CACNA1E: variants seen among roughly 807,000 people sequenced by gnomAD.
CACNA1E encodes calcium voltage-gated channel subunit alpha1 E.
In CACNA1E, 40 loss-of-function variants were observed where a neutral mutation model predicts 259.2. The observed-to-expected ratio is 0.15, with a 90% confidence interval of 0.12 to 0.20. The LOEUF (loss-of-function observed/expected upper bound fraction) is 0.20. Ranked by LOEUF, CACNA1E falls within the 10% of genes least tolerant of loss-of-function variation. The probability of loss-of-function intolerance (pLI) is 1.00; values close to 1 mark genes in which losing one functional copy is unlikely to be tolerated. For synonymous variants in CACNA1E, 1,104 were observed against 1,138.5 expected, an observed-to-expected ratio of 0.97 and a Z score of 0.61; for missense variants, 1,874 against 3,040.1, an observed-to-expected ratio of 0.62 and a Z score of 9.02.
intron 2 of CACNA1E, among the ~76,000 whole-genome samples, chr1:181,464,651 C>T (rs2102388648): frequency 6.7e-6 from 1 of 148,294 alleles, no homozygotes; most frequent in African/African-American, 2.5e-5. Context: ...CAGGCAGCAT[C>T]ACCTGTGAAT....
chr1:181,383,433 C>T (rs764430317), intron 1 of CACNA1E, among the ~76,000 whole-genome samples: 23 of 152,122 alleles, frequency 1.5e-4, no homozygotes, highest in South Asian at 2.1e-4. Context: ...ATGAGGCAAG[C>T]GGGGGCAGAA....
At chr1:181,613,410 G>A (rs1456838769) in intron 6 of CACNA1E, among the ~76,000 whole-genome samples, 5 of 152,084 alleles carry the variant, frequency 3.3e-5, no homozygotes, top group Non-Finnish European at 5.9e-5. Flanking sequence ...TAATATATGT[G>A]TTATATACTG....
At chr1:181,339,141 C>G (rs866642220) in intron 1 of CACNA1E, among the ~76,000 whole-genome samples, 8 of 151,990 alleles carry the variant, frequency 5.3e-5, no homozygotes, top group Admixed American at 1.3e-4. Flanking sequence ...TTTGGCTATT[C>G]AGGATCTTAT....
chr1:181,595,637 A>G (rs1445508573), intron 6 of CACNA1E, among the ~76,000 whole-genome samples: 2 of 152,008 alleles, frequency 1.3e-5, no homozygotes, highest in African/African-American at 4.8e-5. Flanking sequence ...GGATCATGCC[A>G]CCTGCCCAAG....
intron 2 of CACNA1E, among the ~76,000 whole-genome samples, chr1:181,438,460 A>G (rs904548816): frequency 6.6e-6 from 1 of 152,232 alleles, no homozygotes. Context: ...CTTTCAGGGC[A>G]GTAGGTTTGT....
At chr1:181,575,190 A>G (rs12039120) in intron 3 of CACNA1E, among the ~76,000 whole-genome samples, 35,698 of 152,034 alleles carry the variant, frequency 0.23, 4,825 homozygotes, top group Admixed American at 0.32. Flanking sequence ...CCTGCACTGG[A>G]GGACAGAAAA....
chr1:181,745,524 G>A (rs1656996563), intron 25 of CACNA1E, among the ~76,000 whole-genome samples: 1 of 151,976 alleles, frequency 6.6e-6, no homozygotes, highest in Admixed American at 6.6e-5. Flanking sequence ...CATGGGAAGA[G>A]CCCAGTACTG....
At chr1:181,370,459 T>G (rs1654606222) in intron 1 of CACNA1E, among the ~76,000 whole-genome samples, 1 of 152,136 alleles carries the variant, frequency 6.6e-6, no homozygotes, top group Admixed American at 6.5e-5. Context: ...GGCCCTGGTA[T>G]TTGTTGTTCC....
At chr1:181,783,553 G>C in intron 39 of CACNA1E, 126 bp from the exon 40 acceptor site, 1 of 592,858 alleles carries the variant, frequency 1.7e-6, no homozygotes, top group Admixed American at 2.8e-5. Flanking sequence ...TGGGGCAGGG[G>C]ATGGGGATCC....
intron 1 of CACNA1E, among the ~76,000 whole-genome samples, chr1:181,372,828 A>ATATTT (rs1491221060): frequency 0.036 from 3,636 of 101,536 alleles, 45 homozygotes; most frequent in Non-Finnish European, 0.059. Context: ...ATATATATAT[A>ATATTT]TTTTTTTTTT....
chr1:181,416,647 C>T (rs1371001518), intron 2 of CACNA1E, among the ~76,000 whole-genome samples: 2 of 152,162 alleles, frequency 1.3e-5, no homozygotes, highest in Non-Finnish European at 2.9e-5. Context: ...GCAGCTGCCT[C>T]ATGTGACAGC....
intron 6 of CACNA1E, among the ~76,000 whole-genome samples, chr1:181,595,910 G>C (rs1412731166): frequency 6.6e-6 from 1 of 152,214 alleles, no homozygotes; most frequent in Non-Finnish European, 1.5e-5. Flanking sequence ...CCAGTGTTTA[G>C]TCTGTGTGTG....
intron 1 of CACNA1E, among the ~76,000 whole-genome samples, chr1:181,495,504 T>G (rs575027193): frequency 2.5e-4 from 38 of 152,370 alleles, no homozygotes; most frequent in Non-Finnish European, 4.0e-4. Context: ...TAGTAAGCTG[T>G]GAATAAATCT....
At chr1:181,661,245 A>C (rs1003472658) in intron 7 of CACNA1E, among the ~76,000 whole-genome samples, 1 of 152,164 alleles carries the variant, frequency 6.6e-6, no homozygotes, top group Non-Finnish European at 1.5e-5. Context: ...CTAGATTTGC[A>C]TTTGAAGATG....
intron 1 of CACNA1E, among the ~76,000 whole-genome samples, chr1:181,500,214 C>G (rs1039450716): frequency 6.6e-6 from 1 of 152,166 alleles, no homozygotes; most frequent in Non-Finnish European, 1.5e-5. Context: ...TGGTTCACCC[C>G]TTATGCATAT....
intron 1 of CACNA1E, among the ~76,000 whole-genome samples, chr1:181,390,094 T>C (rs1656145784): frequency 1.3e-5 from 2 of 152,168 alleles, no homozygotes; most frequent in Admixed American, 1.3e-4. Context: ...GCCGTGTGAT[T>C]GACTGCTGTT....
chr1:181,468,825 A>C (rs184973690), intron 2 of CACNA1E, among the ~76,000 whole-genome samples: 1 of 152,272 alleles, frequency 6.6e-6, no homozygotes, highest in African/African-American at 2.4e-5. Context: ...AATGATATGG[A>C]GGAGGTCAAT....
chr1:181,530,183 T>C (rs1187847224), intron 3 of CACNA1E, among the ~76,000 whole-genome samples: 1 of 152,202 alleles, frequency 6.6e-6, no homozygotes, highest in African/African-American at 2.4e-5. Context: ...GTTTCCACTT[T>C]TGCTTCTTCC....
At position 181,661,409 on chromosome 1, in the gene CACNA1E, C is replaced by T. The variant is rs187557231; in HGVS notation, c.1055+9968C>T. 4.6e-5 allele frequency among the ~76,000 whole-genome samples: 7 copies of T among 152,132 alleles called. No individual in the cohort carries two copies. The East Asian group carries it at 7.7e-4, about 17-fold the overall frequency. ...CCAGGAGGTGTTGGGGGCCAGGTGT[C>T]GGATCTGCAGGACTCGGGACTGTGT... On this transcript the variant is annotated intron_variant, in intron 7 of 47. Coordinates refer to ENST00000367573, the MANE Select transcript of CACNA1E (RefSeq NM_001205293.3).
Sources: allele counts gnomAD v4.1 joint callset (sites outside exome capture counted in the v4.1 genomes callset), GRCh38; gene constraint gnomAD v4.1.1; transcripts MANE v1.5; gene names NCBI Gene and HGNC (gene_info 2026-07-23, HGNC 2026-07-21).